Variants in MAP4K4 observed in about 807,000 individuals in gnomAD.
The protein encoded by MAP4K4 is mitogen-activated protein kinase kinase kinase kinase 4.
Under a neutral mutation model 189.6 loss-of-function variants are expected in MAP4K4, and 38 were observed. The observed-to-expected ratio is 0.20, with a 90% CI of 0.15 to 0.26. MAP4K4 has a LOEUF of 0.26. MAP4K4 is among the 10% of genes least tolerant of loss of function. MAP4K4 has a pLI of 1.00. For missense variants in MAP4K4, 1,054 were observed against 1,726.9 expected, an observed-to-expected ratio of 0.61 and a Z score of 6.91; for synonymous variants, 610 against 624.3, an observed-to-expected ratio of 0.98 and a Z score of 0.34.
chr2:101,770,298 G>T (rs1034146276), intron 2 of MAP4K4, among the ~76,000 whole-genome samples: 1 of 141,854 alleles, frequency 7.0e-6, no homozygotes, highest in Non-Finnish European at 1.5e-5. Flanking sequence ...GCCCGGGCTG[G>T]AGTGCAGGGG....
intron 2 of MAP4K4, among the ~76,000 whole-genome samples, chr2:101,777,558 A>G (rs2084914145): frequency 6.6e-6 from 1 of 152,228 alleles, no homozygotes; most frequent in Admixed American, 6.5e-5. Flanking sequence ...CCAAATGACA[A>G]GGTATCAGAG....
intron 26 of MAP4K4, among the ~76,000 whole-genome samples, chr2:101,874,691 A>G (rs55916540): frequency 0.013 from 2,012 of 152,370 alleles, 45 homozygotes; most frequent in African/African-American, 0.045. Flanking sequence ...TTACTGCAAC[A>G]TGCAACCCAG....
intron 2 of MAP4K4, among the ~76,000 whole-genome samples, chr2:101,731,423 A>AT (rs1424453749): frequency 6.6e-6 from 1 of 151,886 alleles, no homozygotes; most frequent in Non-Finnish European, 1.5e-5. Flanking sequence ...GCCGACAGTA[A>AT]TTTTTTAAAA....
intron 3 of MAP4K4, among the ~76,000 whole-genome samples, chr2:101,795,161 G>T (rs1443068998): frequency 6.6e-6 from 1 of 152,044 alleles, no homozygotes; most frequent in Non-Finnish European, 1.5e-5. Flanking sequence ...CCACCATAAG[G>T]GTGCATTATT....
chr2:101,818,536 C>A (rs1007435443), intron 3 of MAP4K4, among the ~76,000 whole-genome samples: 6 of 152,284 alleles, frequency 3.9e-5, no homozygotes, highest in African/African-American at 1.2e-4. Flanking sequence ...CACATAGTTA[C>A]TACCATTGAT....
chr2:101,794,404 T>G (rs531783273), intron 3 of MAP4K4, among the ~76,000 whole-genome samples: 1 of 152,354 alleles, frequency 6.6e-6, no homozygotes, highest in South Asian at 2.1e-4. Flanking sequence ...GGTTTGTCTC[T>G]GAGAACAGAA....
At chr2:101,784,652 G>T (rs1459386560) in intron 2 of MAP4K4, among the ~76,000 whole-genome samples, 1 of 152,162 alleles carries the variant, frequency 6.6e-6, no homozygotes, top group Non-Finnish European at 1.5e-5. Flanking sequence ...AACAATTCCT[G>T]TGGGATGTTC....
At chr2:101,873,805 C>T (rs1559291735) in intron 25 of MAP4K4, 41 bp downstream of exon 25, 1 of 1,408,254 alleles carries the variant, frequency 7.1e-7, no homozygotes, top group African/African-American at 1.4e-5. Flanking sequence ...ACAAATGGGA[C>T]TTTATCTTTG....
intron 2 of MAP4K4, among the ~76,000 whole-genome samples, chr2:101,749,629 G>A (rs1214070348): frequency 6.9e-6 from 1 of 144,934 alleles, no homozygotes; most frequent in Non-Finnish European, 1.5e-5. Context: ...AACACCAAAA[G>A]CAATGGCAAC....
rs183060633 is a variant in MAP4K4, at chr2:101,867,372, A to G, written c.2454+63A>G. On this transcript the variant is annotated intron_variant, in intron 20 of 32. Transcript: ENST00000324219. ...CTTGAATGAGATCTTTCTATTAAAA[A>G]TATGTGGTTGAGAGGCCTGCAGTCT... 32 of 1,313,564 alleles carry G rather than the reference A, an allele frequency of 2.4e-5. No homozygotes were observed. The East Asian group carries it at 8.0e-4, about 33-fold the overall frequency. The allele number at this position is 1,313,564 out of a possible 1,614,324, so 81.4% of individuals were successfully genotyped here.
intron 27 of MAP4K4, among the ~76,000 whole-genome samples, chr2:101,880,730 A>G (rs1247194297): frequency 6.6e-6 from 1 of 152,094 alleles, no homozygotes; most frequent in Non-Finnish European, 1.5e-5. Context: ...GCTGATCTCA[A>G]GCTCCTGACC....
intron 25 of MAP4K4, 103 bp from the exon 26 acceptor site, chr2:101,873,979 G>A: frequency 9.7e-7 from 1 of 1,028,502 alleles, no homozygotes; most frequent in Non-Finnish European, 1.4e-6. Context: ...TTGACAAAGT[G>A]TTGGTTATAC....
chr2:101,809,239 C>T (rs772660942), intron 3 of MAP4K4, among the ~76,000 whole-genome samples: 23 of 151,872 alleles, frequency 1.5e-4, no homozygotes, highest in Admixed American at 2.6e-4. Context: ...GATTTTTTTT[C>T]CTGTCCATAC....
chr2:101,834,744 T>C (rs182721575), intron 8 of MAP4K4, among the ~76,000 whole-genome samples: 3 of 152,386 alleles, frequency 2.0e-5, no homozygotes, highest in East Asian at 3.9e-4. Flanking sequence ...GATCAGATAA[T>C]AAGTAGTAAG....
intron 2 of MAP4K4, among the ~76,000 whole-genome samples, chr2:101,737,060 A>G (rs949421150): frequency 3.3e-5 from 5 of 152,220 alleles, no homozygotes; most frequent in East Asian, 1.9e-4. Flanking sequence ...AAAGTTAGTC[A>G]TTATGACAAA....
At chr2:101,860,862 C>G in exon 16 of MAP4K4, 1 of 1,609,348 alleles carries the variant, frequency 6.2e-7, no homozygotes, top group Non-Finnish European at 8.5e-7. Context: ...CACAGCTCCC[C>G]TGAAGCCCAG....
At chr2:101,859,935 T>C in intron 15 of MAP4K4, 71 bp downstream of exon 15, 2 of 1,407,312 alleles carry the variant, frequency 1.4e-6, no homozygotes, top group Non-Finnish European at 2.0e-6. Context: ...AACTGTGTCA[T>C]ATGAGTTCTA....
chr2:101,792,895 A>G (rs1418602081), intron 3 of MAP4K4, among the ~76,000 whole-genome samples: 1 of 152,064 alleles, frequency 6.6e-6, no homozygotes, highest in Non-Finnish European at 1.5e-5. Flanking sequence ...CAGCCTCCCA[A>G]AGTGCTGGGA....
chr2:101,735,914 G>A (rs1415764428), intron 2 of MAP4K4, among the ~76,000 whole-genome samples: 3 of 152,176 alleles, frequency 2.0e-5, no homozygotes, highest in Non-Finnish European at 4.4e-5. Context: ...CTCTCAGGAT[G>A]AATGATGTGA....
Sources: allele counts gnomAD v4.1 joint callset (sites outside exome capture counted in the v4.1 genomes callset), GRCh38; gene constraint gnomAD v4.1.1; transcripts MANE v1.5; gene names NCBI Gene and HGNC (gene_info 2026-07-23, HGNC 2026-07-21).